Variants in ADAMTS20 observed in about 807,000 individuals in gnomAD.
ADAMTS20 encodes A disintegrin and metalloproteinase with thrombospondin motifs 20.
In ADAMTS20, 225 loss-of-function variants were observed where a neutral mutation model predicts 260.1. The ratio of observed to expected loss-of-function variants is 0.87; its 90% CI spans 0.78 to 0.97. ADAMTS20 has a LOEUF of 0.97. ADAMTS20 is among the 50% of genes least tolerant of loss of function. ADAMTS20 has a pLI of 0.00. For missense variants in ADAMTS20, 2,400 were observed against 2,337.7 expected (o/e 1.03, Z -0.55); for synonymous variants, 802 against 769.5 (o/e 1.04, Z -0.70).
intron 28 of ADAMTS20, among the ~76,000 whole-genome samples, chr12:43,417,772 T>C (rs1214509887): frequency 2.0e-5 from 3 of 152,152 alleles, no homozygotes; most frequent in African/African-American, 7.2e-5. Flanking sequence ...TCCAGGAAAA[T>C]AAGCAAGATT....
intron 18 of ADAMTS20, among the ~76,000 whole-genome samples, chr12:43,438,301 T>A (rs1386773552): frequency 6.6e-6 from 1 of 152,160 alleles, no homozygotes; most frequent in Non-Finnish European, 1.5e-5. Context: ...GCTCCTTATA[T>A]CCACGGTCAC....
chr12:43,445,684 A>G (rs193277983), intron 15 of ADAMTS20, among the ~76,000 whole-genome samples: 98 of 151,798 alleles, frequency 6.5e-4, no homozygotes, highest in African/African-American at 2.2e-3. Flanking sequence ...CTCTACACAC[A>G]CACACACACA....
At chr12:43,457,507 TACTA>T (rs1941985836) in intron 11 of ADAMTS20, among the ~76,000 whole-genome samples, 1 of 152,196 alleles carries the variant, frequency 6.6e-6, no homozygotes, top group African/African-American at 2.4e-5. Flanking sequence ...TATGACTATT[TACTA>T]GAATGTCTAA....
chr12:43,472,016 C>T (rs1942272488), intron 7 of ADAMTS20, among the ~76,000 whole-genome samples: 1 of 152,060 alleles, frequency 6.6e-6, no homozygotes, highest in Non-Finnish European at 1.5e-5. Flanking sequence ...GAGAAGAAGG[C>T]TTCAGAAAAT....
At chr12:43,372,863 A>G (rs1580697) in intron 36 of ADAMTS20, among the ~76,000 whole-genome samples, 114,135 of 152,120 alleles carry the variant, frequency 0.75, 44,073 homozygotes, top group East Asian at 1. Context: ...TTCCCTTCTG[A>G]TTCTTATTTT....
At chr12:43,383,270 T>C (rs976025138) in intron 31 of ADAMTS20, among the ~76,000 whole-genome samples, 1 of 152,218 alleles carries the variant, frequency 6.6e-6, no homozygotes. Flanking sequence ...TAAAGCCATT[T>C]CTAAAAAGTG....
chr12:43,492,505 C>T lies in ADAMTS20; in HGVS notation c.1076G>A (p.Arg359Lys). 2 of 1,613,486 alleles carry T rather than the reference C, an allele frequency of 1.2e-6. No individual in the cohort carries two copies. Among genetic ancestry groups the T allele is most frequent in the Non-Finnish European group, 1.7e-6 (2 of 1,179,658 alleles). ...GGAAGGGTTATTTCTATAATCATAC[C>T]TAGTGATAAGAACAGCAGTGTCATG... ...SHHDTAVLIT[R>K]EDICSSKEKC... The change falls in exon 6 of 39, where the codon AGG becomes AAG. Residue 359 changes from arginine (R) to lysine (K), a missense_variant and splice_region_variant. Arg to Lys is a conservative substitution (Grantham distance 26). Transcript: ENST00000389420.
chr12:43,512,326 GATA>G (rs1216742157), intron 3 of ADAMTS20, among the ~76,000 whole-genome samples: 5 of 148,600 alleles, frequency 3.4e-5, no homozygotes, highest in Non-Finnish European at 7.4e-5. Flanking sequence ...TATATATGAG[GATA>G]ATAATTTTAT....
intron 37 of ADAMTS20, among the ~76,000 whole-genome samples, chr12:43,363,038 A>T (rs1448761116): frequency 6.6e-6 from 1 of 152,136 alleles, no homozygotes; most frequent in East Asian, 1.9e-4. Context: ...TACCAAGAAA[A>T]AAAAAAGAAT....
chr12:43,469,210 T>C (rs1207970713), intron 7 of ADAMTS20, among the ~76,000 whole-genome samples: 1 of 152,128 alleles, frequency 6.6e-6, no homozygotes, highest in African/African-American at 2.4e-5. Flanking sequence ...CAGAATAATG[T>C]CTGGCATTTA....
chr12:43,438,266 C>T (rs1372875606), intron 18 of ADAMTS20, among the ~76,000 whole-genome samples: 3 of 152,048 alleles, frequency 2.0e-5, no homozygotes, highest in African/African-American at 7.2e-5. Flanking sequence ...CCTTCATTCT[C>T]CTGTTTCTGA....
intron 28 of ADAMTS20, among the ~76,000 whole-genome samples, chr12:43,408,031 A>T (rs1940950998): frequency 6.6e-6 from 1 of 152,226 alleles, no homozygotes; most frequent in Non-Finnish European, 1.5e-5. Flanking sequence ...ATCCAGTAAC[A>T]TGAACCTTTA....
At chr12:43,525,359 T>C (rs1178527818) in intron 3 of ADAMTS20, among the ~76,000 whole-genome samples, 7 of 152,164 alleles carry the variant, frequency 4.6e-5, no homozygotes, top group Non-Finnish European at 1.0e-4. Flanking sequence ...AGACCATCCC[T>C]ATAAGAAATG....
intron 3 of ADAMTS20, among the ~76,000 whole-genome samples, chr12:43,527,571 A>G (rs1592111209): frequency 1.3e-5 from 2 of 152,320 alleles, no homozygotes; most frequent in East Asian, 3.9e-4. Flanking sequence ...TCACATAAAC[A>G]GAATTAGAAA....
chr12:43,463,890 G>C (rs920236136), intron 10 of ADAMTS20, among the ~76,000 whole-genome samples: 1 of 152,112 alleles, frequency 6.6e-6, no homozygotes, highest in African/African-American at 2.4e-5. Flanking sequence ...ACCTAGTAGG[G>C]AGGGAAGCAA....
intron 4 of ADAMTS20, among the ~76,000 whole-genome samples, chr12:43,500,277 C>T (rs1365039397): frequency 1.3e-5 from 2 of 152,160 alleles, no homozygotes; most frequent in Non-Finnish European, 2.9e-5. Flanking sequence ...AATCTGCATG[C>T]CTCGGCCTCT....
intron 3 of ADAMTS20, among the ~76,000 whole-genome samples, chr12:43,510,548 T>C (rs1942908187): frequency 6.6e-6 from 1 of 152,010 alleles, no homozygotes; most frequent in Non-Finnish European, 1.5e-5. Flanking sequence ...TCAAAGCACA[T>C]TGGCCAGTTC....
intron 3 of ADAMTS20, among the ~76,000 whole-genome samples, chr12:43,511,537 G>C (rs1482382742): frequency 6.6e-6 from 1 of 152,048 alleles, no homozygotes; most frequent in African/African-American, 2.4e-5. Context: ...GGAGGAGAGA[G>C]ATAGAAAGAA....
rs1340493590 is a variant in ADAMTS20 at position 43,550,959 on chromosome 12, C to A, written c.403G>T (p.Val135Phe). 6.2e-7 allele frequency: 1 copy of A among 1,600,778 alleles called. No individual in the cohort carries two copies. Among genetic ancestry groups the A allele is most frequent in the Non-Finnish European group, 8.5e-7 (1 of 1,171,362 alleles). Residue 135 changes from valine (V) to phenylalanine (F), a missense_variant, in exon 2 of 39, where the codon GTC becomes TTC. Coordinates refer to ENST00000389420, the MANE Select transcript of ADAMTS20 (RefSeq NM_025003.5). ...DLRHCFYRGQ[V>F]NSQEDYKAVV... ...GCCTTGTAATCCTCCTGTGAGTTGA[C>A]CTGGCCGCGGTAGAAGCAGTGGCGC...
Sources: allele counts gnomAD v4.1 joint callset (sites outside exome capture counted in the v4.1 genomes callset), GRCh38; gene constraint gnomAD v4.1.1; transcripts MANE v1.5; gene names NCBI Gene and HGNC (gene_info 2026-07-23, HGNC 2026-07-21).